Variants in SLCO4A1 observed in about 807,000 individuals in gnomAD.
SLCO4A1 encodes solute carrier organic anion transporter family member 4A1.
In SLCO4A1, 51 loss-of-function variants were observed where a neutral mutation model predicts 64.6. The observed-to-expected ratio is 0.79, with a 90% confidence interval of 0.63 to 1.00. The LOEUF is 1.00. Among genes scored for constraint, SLCO4A1 ranks in the 50% least tolerant of loss-of-function variants. The pLI is 0.00. For synonymous variants in SLCO4A1, 471 were observed against 444.9 expected (o/e 1.06, Z -0.74); for missense variants, 919 against 980.5 (o/e 0.94, Z 0.84).
intron 2 of SLCO4A1, among the ~76,000 whole-genome samples, chr20:62,682,301 T>A (rs1169218571): frequency 1.3e-5 from 2 of 152,160 alleles, no homozygotes; most frequent in Non-Finnish European, 2.9e-5. Context: ...GAGTCAGAGT[T>A]TGATGTCACC....
At chr20:62,662,714 G>A (rs1158770617) in intron 5 of SLCO4A1, among the ~76,000 whole-genome samples, 11 of 151,960 alleles carry the variant, frequency 7.2e-5, no homozygotes, top group Admixed American at 7.2e-4. Context: ...CCCCAGGGAG[G>A]GACTCCCCCA....
At chr20:62,679,862 C>T (rs1987750087) in intron 2 of SLCO4A1, among the ~76,000 whole-genome samples, 1 of 152,162 alleles carries the variant, frequency 6.6e-6, no homozygotes, top group Non-Finnish European at 1.5e-5. Context: ...TCTGTTAAAA[C>T]GTCAGAAAAG....
downstream of SLCO4A1, among the ~76,000 whole-genome samples, chr20:62,674,621 T>A (rs1002827613): frequency 5.9e-5 from 9 of 152,218 alleles, no homozygotes; most frequent in African/African-American, 2.2e-4. Context: ...TGTTCCCCGA[T>A]GTCTCACAGT....
At position 62,661,021 on chromosome 20, in the gene SLCO4A1, G is replaced by GAGCCCCTAGCCCCCAGCCCCC. The variant is rs1984690851; in HGVS notation, c.1010-37_1010-36insTAGCCCCCAGCCCCCAGCCCC. ...CTCTCTCGGAGAAGTCCACCTCCGG[G>GAGCCCCTAGCCCCCAGCCCCC]AGCCCCCAGCCCCCAGCCCCAGCTC... On this transcript the variant is annotated intron_variant, in intron 4 of 11. Coordinates refer to ENST00000217159, the MANE Select transcript of SLCO4A1 (RefSeq NM_016354.4). This position sits in a 1 kb window ranked among gnomAD's most constrained non-coding sequence, Gnocchi z 5.2. 1 of 543,778 alleles carries GAGCCCCTAGCCCCCAGCCCCC rather than the reference G, an allele frequency of 1.8e-6. No individual in the cohort carries two copies. Among genetic ancestry groups the GAGCCCCTAGCCCCCAGCCCCC allele is most frequent in the African/African-American group, 1.9e-5 (1 of 52,762 alleles). The allele number at this position is 543,778 out of a possible 1,614,324, so 33.7% of individuals were successfully genotyped here.
intron 1 of SLCO4A1, among the ~76,000 whole-genome samples, chr20:62,653,349 C>T (rs1247223298): frequency 6.6e-6 from 1 of 152,216 alleles, no homozygotes; most frequent in Non-Finnish European, 1.5e-5. Flanking sequence ...GTAAAACAAG[C>T]CTTGCCTGGA....
intron 1 of SLCO4A1, among the ~76,000 whole-genome samples, chr20:62,653,329 C>A (rs975530082): frequency 2.6e-5 from 4 of 152,320 alleles, no homozygotes; most frequent in African/African-American, 9.6e-5. Context: ...ACCGCCAGAT[C>A]TCTCCAGACG....
chr20:62,658,618 G>A lies in SLCO4A1; in HGVS notation c.797-59G>A, dbSNP rs1046869207. ...TTCTCCCAGGCACGGGGCCCCACAC[G>A]GCCCTCCGCAGCCCCTGGGTGGTGC... On this transcript the variant is annotated intron_variant, in intron 2 of 11. Transcript: ENST00000217159. The A allele has an allele frequency of 1.4e-5, 20 of 1,410,908 alleles. No individual in the cohort carries two copies. In the African/African-American group the frequency reaches 2.4e-4, roughly 17 times the overall value. 87.4% of individuals were successfully genotyped at this position (1,410,908 alleles called of 1,614,324 possible). A position where few individuals can be genotyped will look rare whatever the true frequency, so the allele number is the denominator to read the frequency against.
At chr20:62,666,146 C>CCCCTTA (rs1986284438) in intron 6 of SLCO4A1, 1 of 149,904 alleles carries the variant, frequency 6.7e-6, no homozygotes, top group Non-Finnish European at 1.4e-5. Flanking sequence ...CCTTCCCCTT[C>CCCCTTA]CCCTTCCCCT....
chr20:62,686,940 GA>G (rs1405834912), downstream of SLCO4A1, among the ~76,000 whole-genome samples: 2 of 147,222 alleles, frequency 1.4e-5, no homozygotes, highest in South Asian at 2.2e-4. Flanking sequence ...GGAGCAATGG[GA>G]AAGGGCACCC....
chr20:62,653,896 G>T (rs542586100), intron 1 of SLCO4A1, among the ~76,000 whole-genome samples: 3 of 145,006 alleles, frequency 2.1e-5, no homozygotes, highest in South Asian at 2.3e-4. Flanking sequence ...GCCATGGGGT[G>T]GGGGGAGGGG....
chr20:62,649,332 C>T (rs1316204905), intron 1 of SLCO4A1: 2 of 152,260 alleles, frequency 1.3e-5, no homozygotes, highest in East Asian at 1.9e-4. Context: ...GGACGAGGCC[C>T]ACCACCCTGG....
At chr20:62,654,992 C>T (rs543980998) in intron 1 of SLCO4A1, among the ~76,000 whole-genome samples, 64 of 152,304 alleles carry the variant, frequency 4.2e-4, no homozygotes, top group African/African-American at 1.4e-3. Context: ...ATATGGACAC[C>T]GGTCAGATTG....
intron 2 of SLCO4A1, among the ~76,000 whole-genome samples, chr20:62,679,016 C>T (rs1364423155): frequency 6.6e-6 from 1 of 152,108 alleles, no homozygotes; most frequent in Non-Finnish European, 1.5e-5. Context: ...GTCAGGAGTT[C>T]GAGACCAGCC....
Position 62,685,478 on chromosome 20 carries a change from C to T in SLCO4A1, n.249C>T. The T allele has an allele frequency of 1.0e-6, 1 of 980,890 alleles. No homozygotes were observed. Among genetic ancestry groups the T allele is most frequent in the Non-Finnish European group, 1.2e-6 (1 of 825,742 alleles). 60.8% of individuals were successfully genotyped at this position (980,890 alleles called of 1,614,324 possible). A position where few individuals can be genotyped will look rare whatever the true frequency, so the allele number is the denominator to read the frequency against. On this transcript the variant is annotated non_coding_transcript_exon_variant, in exon 3 of 3. Coordinates refer to the SLCO4A1 transcript ENST00000466818. The surrounding 1 kb of genome is among the most constrained non-coding windows in gnomAD (Gnocchi z 4.6). ...GAATTTAGAAGGCTGTAAACCCCAT[C>T]TGAGCCTTACACATAGATCTCCTTG...
At chr20:62,657,612 C>T (rs1375619891) in intron 2 of SLCO4A1, among the ~76,000 whole-genome samples, 1 of 152,254 alleles carries the variant, frequency 6.6e-6, no homozygotes, top group Non-Finnish European at 1.5e-5. Flanking sequence ...CGGCTGGGAA[C>T]CTGGCACTTG....
At chr20:62,658,255 G>C (rs1191873270) in intron 2 of SLCO4A1, among the ~76,000 whole-genome samples, 2 of 152,242 alleles carry the variant, frequency 1.3e-5, no homozygotes, top group African/African-American at 2.4e-5. Flanking sequence ...TCACTCCAGC[G>C]AGGGGACGTC....
At chr20:62,662,466 A>C (rs906315208) in intron 5 of SLCO4A1, among the ~76,000 whole-genome samples, 3 of 152,182 alleles carry the variant, frequency 2.0e-5, no homozygotes, top group Non-Finnish European at 2.9e-5. Context: ...CTTTCAGTTC[A>C]TCAGGTGATA....
chr20:62,683,726 C>T (rs1011207853), intron 2 of SLCO4A1, among the ~76,000 whole-genome samples: 5 of 152,110 alleles, frequency 3.3e-5, no homozygotes, highest in Admixed American at 6.5e-5. Flanking sequence ...CTCGGAGTGT[C>T]GTGGGCGACA....
chr20:62,642,911 T>G, intron 1 of SLCO4A1: 1 of 432,790 alleles, frequency 2.3e-6, no homozygotes. Flanking sequence ...CCGGGGCAGG[T>G]GACCTGGGCA....
Sources: gnomAD v4.1 joint callset for allele counts (sites outside exome capture counted in the v4.1 genomes callset) on GRCh38, gnomAD v4.1.1 for gene constraint, Gnocchi (gnomAD v3.1) non-coding constraint, MANE v1.5 for transcripts, NCBI Gene and HGNC (gene_info 2026-07-23, HGNC 2026-07-21) for gene names.